Variants in HSDL2 observed in about 807,000 individuals in gnomAD.
HSDL2 encodes hydroxysteroid dehydrogenase like 2, also known as hydroxysteroid dehydrogenase-like protein 2.
In HSDL2, 27 loss-of-function variants were observed where a neutral mutation model predicts 46.3. The ratio of observed to expected loss-of-function variants is 0.58; its 90% confidence interval spans 0.43 to 0.80. The LOEUF (loss-of-function observed/expected upper bound fraction) is 0.80, where lower values mean the gene tolerates loss of function less well. Among genes scored for constraint, HSDL2 ranks in the 30% least tolerant of loss-of-function variants. The pLI is 0.00. For missense variants in HSDL2, 451 were observed against 502.7 expected (o/e 0.90, Z 0.98); for synonymous variants, 153 against 163.6 (o/e 0.94, Z 0.50).
intron 6 of HSDL2, among the ~76,000 whole-genome samples, chr9:112,429,760 T>C (rs746433004): frequency 1.3e-5 from 2 of 152,088 alleles, no homozygotes; most frequent in Non-Finnish European, 2.9e-5. Flanking sequence ...GTCTCAGCCA[T>C]TGAGGAAGGA....
chr9:112,380,270 C>G (rs1436970644), intron 1 of HSDL2, 90 bp downstream of exon 1: 26 of 1,351,212 alleles, frequency 1.9e-5, no homozygotes, highest in Non-Finnish European at 1.9e-5. Flanking sequence ...GGCTGGCCGG[C>G]CCGGCTGTGG....
chr9:112,391,613 C>T (rs73533968), intron 1 of HSDL2, among the ~76,000 whole-genome samples: 1,789 of 151,914 alleles, frequency 0.012, 37 homozygotes, highest in African/African-American at 0.04. Context: ...TATAGAAAAA[C>T]GGGCAAAACC....
At chr9:112,446,719 C>T (rs868392132) in intron 8 of HSDL2, among the ~76,000 whole-genome samples, 2 of 152,218 alleles carry the variant, frequency 1.3e-5, no homozygotes, top group East Asian at 3.8e-4. Flanking sequence ...CCATCCTTGT[C>T]AGCCATGCCT....
chr9:112,404,049 A>G lies in HSDL2; in HGVS notation c.72A>G (p.Lys24=). ...CAGGTGCAAGCCGTGGCATTGGCAA[A>G]GCTATTGCATTGAAAGCAGCAAAGG... ...FITGASRGIG[K]AIALKAAKDG... Residue 24 remains lysine, a synonymous_variant, in exon 2 of 11, where the codon AAA becomes AAG. Transcript: ENST00000398805. 1 of 1,614,154 alleles carries G rather than the reference A, an allele frequency of 6.2e-7. No homozygotes were observed. Among genetic ancestry groups the G allele is most frequent in the Non-Finnish European group, 8.5e-7 (1 of 1,179,980 alleles).
chr9:112,466,808 C>T (rs1833404576), intron 10 of HSDL2, among the ~76,000 whole-genome samples: 2 of 152,014 alleles, frequency 1.3e-5, no homozygotes, highest in South Asian at 4.1e-4. Context: ...TTGAGTTTTA[C>T]CTCTTACATT....
At position 112,380,255 on chromosome 9, in the gene HSDL2, G is replaced by T; in HGVS notation, c.17+75G>T. 4 of 1,417,566 alleles carry T rather than the reference G, an allele frequency of 2.8e-6. No homozygotes were observed. The East Asian group carries it at 8.0e-5, about 28-fold the overall frequency. The allele number at this position is 1,417,566 out of a possible 1,614,324, so 87.8% of individuals were successfully genotyped here. A position where few individuals can be genotyped will look rare whatever the true frequency, so the allele number is the denominator to read the frequency against. On this transcript the variant is annotated intron_variant, in intron 1 of 10. Coordinates refer to ENST00000398805, the MANE Select transcript of HSDL2 (RefSeq NM_032303.5). ...CGTCTCGGTGGGGCCGCCGCGGATC[G>T]CCCGGGCTGGCCGGCCCGGCTGTGG...
chr9:112,426,725 A>G (rs1373278228), intron 6 of HSDL2, among the ~76,000 whole-genome samples: 1 of 152,232 alleles, frequency 6.6e-6, no homozygotes, highest in Non-Finnish European at 1.5e-5. Context: ...AAAAATAAAA[A>G]TAATTAAGTT....
At chr9:112,449,283 C>T (rs1452214000) in intron 8 of HSDL2, among the ~76,000 whole-genome samples, 2 of 151,754 alleles carry the variant, frequency 1.3e-5, no homozygotes, top group African/African-American at 4.8e-5. Context: ...GACGGGGTTT[C>T]ACCATGTTGG....
intron 5 of HSDL2, among the ~76,000 whole-genome samples, chr9:112,417,834 T>G (rs1387664045): frequency 1.3e-5 from 2 of 151,422 alleles, no homozygotes; most frequent in Non-Finnish European, 2.9e-5. Flanking sequence ...TCCCAGCACT[T>G]TGGGAAGCCG....
chr9:112,411,097 G>A (rs1831854737), intron 4 of HSDL2, among the ~76,000 whole-genome samples: 1 of 152,176 alleles, frequency 6.6e-6, no homozygotes, highest in Admixed American at 6.5e-5. Context: ...TCATCAGATG[G>A]GGCCAGAGCT....
chr9:112,470,289 A>T (rs1833536484), intron 10 of HSDL2, 143 bp from the exon 11 acceptor site: 1 of 500,640 alleles, frequency 2.0e-6, no homozygotes, highest in Non-Finnish European at 3.5e-6. Flanking sequence ...CAAGATACTG[A>T]TATAAAATGC....
intron 5 of HSDL2, among the ~76,000 whole-genome samples, chr9:112,418,402 C>T (rs1282469864): frequency 6.6e-6 from 1 of 151,502 alleles, no homozygotes; most frequent in Non-Finnish European, 1.5e-5. Context: ...GGGCAACGTG[C>T]AAAACCCTGT....
chr9:112,423,950 A>C (rs1373158833), intron 6 of HSDL2, among the ~76,000 whole-genome samples: 1 of 148,382 alleles, frequency 6.7e-6, no homozygotes, highest in African/African-American at 2.5e-5. Flanking sequence ...CTGACCTCAG[A>C]TGATCCTCCT....
At chr9:112,459,613 C>G in intron 10 of HSDL2, 36 bp downstream of exon 10, 1 of 1,584,592 alleles carries the variant, frequency 6.3e-7, no homozygotes. Context: ...CCTTATTGTT[C>G]AGAGAAAATT....
chr9:112,384,787 A>G (rs1831182147), intron 1 of HSDL2, among the ~76,000 whole-genome samples: 1 of 150,742 alleles, frequency 6.6e-6, no homozygotes. Flanking sequence ...GATCAAAACA[A>G]AGGCAGTAAA....
chr9:112,415,237 T>C (rs373604101), intron 4 of HSDL2, among the ~76,000 whole-genome samples: 2 of 152,148 alleles, frequency 1.3e-5, no homozygotes, highest in East Asian at 1.9e-4. Flanking sequence ...GTAATGAGAG[T>C]TATATTACTA....
At chr9:112,436,791 ACTGTT>A (rs1019195899) in intron 6 of HSDL2, among the ~76,000 whole-genome samples, 9 of 152,162 alleles carry the variant, frequency 5.9e-5, no homozygotes, top group African/African-American at 9.6e-5. Context: ...TTAATAATGT[ACTGTT>A]AATTGTAGAG....
intron 9 of HSDL2, among the ~76,000 whole-genome samples, chr9:112,458,256 G>C (rs1229437338): frequency 6.6e-6 from 1 of 150,876 alleles, no homozygotes; most frequent in African/African-American, 2.4e-5. Flanking sequence ...GAGCTTTCCT[G>C]ACCCTTTTTG....
chr9:112,466,468 G>A (rs747055183), intron 10 of HSDL2, among the ~76,000 whole-genome samples: 36 of 151,470 alleles, frequency 2.4e-4, no homozygotes, highest in Non-Finnish European at 4.9e-4. Context: ...CAGGAGAATC[G>A]CTTGAACCCA....
Sources: gnomAD v4.1 joint callset for allele counts (sites outside exome capture counted in the v4.1 genomes callset) on GRCh38, gnomAD v4.1.1 for gene constraint, MANE v1.5 for transcripts, NCBI Gene and HGNC (gene_info 2026-07-23, HGNC 2026-07-21) for gene names.